Variants in RALYL observed in about 807,000 individuals in gnomAD.
RALYL encodes the protein RNA-binding Raly-like protein.
Under a neutral mutation model 35.1 loss-of-function variants are expected in RALYL, and 29 were observed. That is an observed-to-expected ratio of 0.83 (90% CI 0.61 to 1.13). The LOEUF is 1.13. Ranked by LOEUF, RALYL falls within the 50% of genes most tolerant of loss-of-function variation. The pLI is 0.00. For synonymous variants in RALYL, 120 were observed against 127.6 expected, an observed-to-expected ratio of 0.94 and a Z score of 0.40; for missense variants, 359 against 360.4, an observed-to-expected ratio of 1.00 and a Z score of 0.03.
At chr8:84,304,248 G>T (rs535370292) in intron 1 of RALYL, among the ~76,000 whole-genome samples, 17 of 152,148 alleles carry the variant, frequency 1.1e-4, no homozygotes, top group Admixed American at 3.3e-4. Context: ...CTCCCGATTA[G>T]CTGGGACTAC....
intron 1 of RALYL, among the ~76,000 whole-genome samples, chr8:84,506,378 T>C (rs979594650): frequency 1.1e-3 from 39 of 37,032 alleles, no homozygotes; most frequent in Middle Eastern, 0.023. Flanking sequence ...ATCAATATTC[T>C]GTGATTACAT....
At chr8:84,554,966 T>G (rs945116620) in intron 2 of RALYL, among the ~76,000 whole-genome samples, 10 of 152,190 alleles carry the variant, frequency 6.6e-5, no homozygotes, top group African/African-American at 2.4e-4. Flanking sequence ...TACCTTTATA[T>G]GCTGACTTTA....
intron 1 of RALYL, among the ~76,000 whole-genome samples, chr8:84,453,560 A>G (rs2049767214): frequency 6.6e-6 from 1 of 151,992 alleles, no homozygotes; most frequent in South Asian, 2.1e-4. Context: ...TAATTTACAA[A>G]CAACTCAAAA....
chr8:84,470,054 A>T (rs571465173), intron 1 of RALYL, among the ~76,000 whole-genome samples: 2 of 152,134 alleles, frequency 1.3e-5, no homozygotes, highest in Non-Finnish European at 2.9e-5. Flanking sequence ...CTTCCTAGTG[A>T]GATGCACCCG....
chr8:84,466,454 T>C (rs1007756020), intron 1 of RALYL, among the ~76,000 whole-genome samples: 273 of 150,512 alleles, frequency 1.8e-3, no homozygotes, highest in African/African-American at 6.3e-3. Context: ...TTTCTTGATT[T>C]GCGTATATTG....
At chr8:84,585,321 G>A (rs1345010094) in intron 2 of RALYL, among the ~76,000 whole-genome samples, 1 of 151,990 alleles carries the variant, frequency 6.6e-6, no homozygotes, top group Non-Finnish European at 1.5e-5. Context: ...GTCTAATTCA[G>A]TGCTGTGTAT....
intron 2 of RALYL, chr8:84,679,730 T>C: frequency 1.9e-6 from 1 of 522,482 alleles, no homozygotes. Flanking sequence ...TATTAAGTGC[T>C]GATGGCCACT....
At chr8:84,374,709 G>A (rs573774192) in intron 1 of RALYL, among the ~76,000 whole-genome samples, 1 of 151,946 alleles carries the variant, frequency 6.6e-6, no homozygotes, top group Non-Finnish European at 1.5e-5. Context: ...GCCTACTTGA[G>A]GGTGGAGGGT....
At chr8:84,745,294 A>G (rs1022524093) in intron 2 of RALYL, among the ~76,000 whole-genome samples, 25 of 152,038 alleles carry the variant, frequency 1.6e-4, no homozygotes, top group African/African-American at 5.1e-4. Context: ...GATAGTATTT[A>G]TATAGTTTTT....
At chr8:84,690,397 T>C (rs1323065459) in intron 2 of RALYL, among the ~76,000 whole-genome samples, 2 of 152,068 alleles carry the variant, frequency 1.3e-5, no homozygotes, top group African/African-American at 4.8e-5. Flanking sequence ...AATTGGAAGA[T>C]ATTGGTCAAA....
At chr8:84,252,152 T>C (rs1001837233) in intron 1 of RALYL, among the ~76,000 whole-genome samples, 15 of 152,104 alleles carry the variant, frequency 9.9e-5, no homozygotes, top group African/African-American at 3.4e-4. Context: ...TACAATTACA[T>C]TTTGTGGTGC....
At chr8:84,765,382 G>C (rs1813672788) in intron 2 of RALYL, among the ~76,000 whole-genome samples, 1 of 152,200 alleles carries the variant, frequency 6.6e-6, no homozygotes, top group Non-Finnish European at 1.5e-5. Flanking sequence ...AGACAGTCCT[G>C]TCTGCTGCTG....
At chr8:84,339,516 G>C (rs1848401180) in intron 1 of RALYL, among the ~76,000 whole-genome samples, 1 of 151,518 alleles carries the variant, frequency 6.6e-6, no homozygotes, top group Non-Finnish European at 1.5e-5. Context: ...ACAAGCTGTG[G>C]GCTCCCACTG....
chr8:84,507,047 A>C (rs1364388901), intron 1 of RALYL, among the ~76,000 whole-genome samples: 1 of 152,062 alleles, frequency 6.6e-6, no homozygotes, highest in Admixed American at 6.6e-5. Flanking sequence ...AGAACTTACT[A>C]TAATCATTTT....
chr8:84,542,126 TTAATG>T (rs2060058734), intron 2 of RALYL, among the ~76,000 whole-genome samples: 1 of 152,132 alleles, frequency 6.6e-6, no homozygotes, highest in Non-Finnish European at 1.5e-5. Flanking sequence ...CATTTTTAGA[TTAATG>T]TTTCTTTTAT....
chr8:84,669,544 T>C (rs1006600785), intron 2 of RALYL, among the ~76,000 whole-genome samples: 2 of 137,120 alleles, frequency 1.5e-5, no homozygotes, highest in African/African-American at 5.4e-5. Context: ...TTTATGTCCA[T>C]GTGTGCTCAG....
Position 84,538,061 on chromosome 8 carries a change from A to G in RALYL, c.256+8484A>G, listed in dbSNP as rs759274468. Among the ~76,000 whole-genome samples, 4 of 152,360 alleles carry G rather than the reference A, an allele frequency of 2.6e-5. No individual in the cohort carries two copies. In the East Asian group the frequency reaches 7.7e-4, roughly 29 times the overall value. ...AAGTTTTCAGTAATTAAACAGAGCT[A>G]CTTAAAATGCTGTAAACAAATGCTA... On this transcript the variant is annotated intron_variant, in intron 2 of 8. Coordinates refer to ENST00000521268, the MANE Select transcript of RALYL (RefSeq NM_173848.7).
intron 1 of RALYL, among the ~76,000 whole-genome samples, chr8:84,409,137 T>A (rs142980326): frequency 2.1e-3 from 325 of 152,234 alleles, no homozygotes; most frequent in Middle Eastern, 0.014. Flanking sequence ...AGATCCTGCA[T>A]AATCTTGCAT....
intron 1 of RALYL, among the ~76,000 whole-genome samples, chr8:84,526,548 T>C (rs1019600195): frequency 6.6e-6 from 1 of 152,202 alleles, no homozygotes; most frequent in Non-Finnish European, 1.5e-5. Flanking sequence ...AATAACTTCT[T>C]GCCCAGCCTC....
Sources: gnomAD v4.1 joint callset for allele counts (sites outside exome capture counted in the v4.1 genomes callset) on GRCh38, gnomAD v4.1.1 for gene constraint, MANE v1.5 for transcripts, NCBI Gene and HGNC (gene_info 2026-07-23, HGNC 2026-07-21) for gene names.